The following ST6GALNAC3 variants were observed in gnomAD, a reference collection of about 807,000 sequenced individuals.
ST6GALNAC3 encodes alpha-N-acetylgalactosaminide alpha-2,6-sialyltransferase 3.
In ST6GALNAC3, 25 loss-of-function variants were observed where a neutral mutation model predicts 32.7. The ratio of observed to expected loss-of-function variants is 0.76; its 90% CI spans 0.56 to 1.07. The LOEUF (loss-of-function observed/expected upper bound fraction) is 1.07. ST6GALNAC3 is among the 50% of genes least tolerant of loss of function. The probability of loss-of-function intolerance (pLI) is 0.00; values close to 1 mark genes in which losing one functional copy is unlikely to be tolerated. For synonymous variants in ST6GALNAC3, 129 were observed against 133.1 expected (o/e 0.97, Z 0.21); for missense variants, 355 against 382.4 (o/e 0.93, Z 0.60).
At chr1:76,322,760 C>G (rs371991812) in intron 2 of ST6GALNAC3, among the ~76,000 whole-genome samples, 172 of 151,994 alleles carry the variant, frequency 1.1e-3, no homozygotes, top group African/African-American at 4.0e-3. Context: ...CCCACCCCCC[C>G]ACAAGTTTGG....
At chr1:76,354,036 A>G (rs1649232786) in intron 2 of ST6GALNAC3, 1 of 157,882 alleles carries the variant, frequency 6.3e-6, no homozygotes, top group Non-Finnish European at 1.4e-5. Flanking sequence ...CCAGGATAGC[A>G]TCTCCCACCA....
intron 2 of ST6GALNAC3, among the ~76,000 whole-genome samples, chr1:76,407,611 T>G (rs1018606016): frequency 6.6e-6 from 1 of 151,834 alleles, no homozygotes; most frequent in Admixed American, 6.6e-5. Flanking sequence ...ATATTTTGAA[T>G]GTACAAGATG....
At chr1:76,406,004 T>C (rs1653804832) in intron 2 of ST6GALNAC3, among the ~76,000 whole-genome samples, 1 of 152,102 alleles carries the variant, frequency 6.6e-6, no homozygotes, top group Non-Finnish European at 1.5e-5. Context: ...TCAATTCCTC[T>C]GTACTTACAT....
At chr1:76,084,774 TTG>T (rs1646943849) in intron 1 of ST6GALNAC3, among the ~76,000 whole-genome samples, 1 of 92,292 alleles carries the variant, frequency 1.1e-5, no homozygotes, top group Non-Finnish European at 2.3e-5. Flanking sequence ...CTCCAACTCG[TTG>T]TCCTAGACCA....
rs71071991 is a variant in ST6GALNAC3, at chr1:76,183,851, A to AATATATATATATATATATATAT, written c.18+108968_18+108989dup. On this transcript the variant is annotated intron_variant, in intron 1 of 4. Transcript: ENST00000328299. ...GTTGTTGACCAAAATGTAGTGCATG[A>AATATATATATATATATATATAT]ATATATATATATATATATATATGTA... Among the ~76,000 whole-genome samples the AATATATATATATATATATATAT allele has an allele frequency of 5.8e-3, 686 of 117,436 alleles. 18 individuals are homozygous for AATATATATATATATATATATAT. The highest frequency in any genetic ancestry group is 0.013 in the African/African-American group (376 of 28,374). 77.0% of individuals were successfully genotyped at this position (117,436 alleles called of 152,430 possible). A position where few individuals can be genotyped will look rare whatever the true frequency, so the allele number is the denominator to read the frequency against.
At chr1:76,558,002 C>G (rs12565877) in intron 3 of ST6GALNAC3, among the ~76,000 whole-genome samples, 1 of 152,002 alleles carries the variant, frequency 6.6e-6, no homozygotes, top group Non-Finnish European at 1.5e-5. Context: ...AAATGACAAA[C>G]TATGATAAAT....
chr1:76,122,292 C>G (rs903944693), intron 1 of ST6GALNAC3, among the ~76,000 whole-genome samples: 36 of 152,160 alleles, frequency 2.4e-4, no homozygotes, highest in Non-Finnish European at 4.6e-4. Flanking sequence ...GCTCTTCTCT[C>G]CCCCATGCGT....
intron 1 of ST6GALNAC3, among the ~76,000 whole-genome samples, chr1:76,271,951 G>T (rs1014439124): frequency 2.6e-5 from 4 of 152,034 alleles, no homozygotes; most frequent in African/African-American, 9.7e-5. Flanking sequence ...CCCCTTCCGA[G>T]GCCAAGTAGG....
chr1:76,329,867 G>C (rs1482224554), intron 2 of ST6GALNAC3, among the ~76,000 whole-genome samples: 2 of 151,858 alleles, frequency 1.3e-5, no homozygotes, highest in Non-Finnish European at 2.9e-5. Flanking sequence ...GGAGTACAGT[G>C]GTGCAATCTC....
chr1:76,401,045 T>A (rs771947187), intron 2 of ST6GALNAC3, among the ~76,000 whole-genome samples: 10 of 152,198 alleles, frequency 6.6e-5, no homozygotes, highest in Non-Finnish European at 1.3e-4. Flanking sequence ...TACATGTGGA[T>A]TTATTTTACT....
intron 2 of ST6GALNAC3, among the ~76,000 whole-genome samples, chr1:76,402,752 C>T (rs1653525449): frequency 6.6e-6 from 1 of 152,062 alleles, no homozygotes; most frequent in African/African-American, 2.4e-5. Flanking sequence ...CACTTGCTTC[C>T]TTTTAGAAAT....
chr1:76,255,047 C>G lies in ST6GALNAC3; in HGVS notation c.19-58758C>G, dbSNP rs113645879. On this transcript the variant is annotated intron_variant, in intron 1 of 4. Transcript: ENST00000328299. ...CTCTCTCTCTTTTTTTTTTTTTAAA[C>G]TGGCCCATTTGTAAGTTCAGTTTGA... 2.5e-3 allele frequency among the ~76,000 whole-genome samples: 357 copies of G among 144,636 alleles called. 2 individuals are homozygous for G. The highest frequency in any genetic ancestry group is 8.5e-3 in the African/African-American group (332 of 38,842). 94.9% of individuals were successfully genotyped at this position (144,636 alleles called of 152,430 possible). A position where few individuals can be genotyped will look rare whatever the true frequency, so the allele number is the denominator to read the frequency against.
chr1:76,186,888 G>C (rs1031493684), intron 1 of ST6GALNAC3, among the ~76,000 whole-genome samples: 1 of 152,140 alleles, frequency 6.6e-6, no homozygotes. Context: ...CCCTTGTCCA[G>C]TGTTAAGCAG....
At chr1:76,204,639 A>G (rs767535408) in intron 1 of ST6GALNAC3, among the ~76,000 whole-genome samples, 8 of 152,178 alleles carry the variant, frequency 5.3e-5, no homozygotes, top group Non-Finnish European at 8.8e-5. Flanking sequence ...TTCCTATTGC[A>G]CGACGTGTAT....
intron 1 of ST6GALNAC3, among the ~76,000 whole-genome samples, chr1:76,253,769 G>A (rs1191199223): frequency 1.3e-5 from 2 of 152,118 alleles, no homozygotes; most frequent in Admixed American, 6.6e-5. Flanking sequence ...TAGCACAGGT[G>A]GCCCTCTTTG....
intron 2 of ST6GALNAC3, among the ~76,000 whole-genome samples, chr1:76,315,096 C>G (rs1446379982): frequency 6.6e-6 from 1 of 151,926 alleles, no homozygotes; most frequent in African/African-American, 2.4e-5. Context: ...AAAAAAGCAC[C>G]ATTAATAACA....
intron 3 of ST6GALNAC3, among the ~76,000 whole-genome samples, chr1:76,618,179 C>A (rs485141): frequency 0.15 from 22,267 of 152,146 alleles, 1,699 homozygotes; most frequent in South Asian, 0.19. Context: ...ATTAGAGAAA[C>A]TGTAGCCTGG....
rs770958573 is a variant in ST6GALNAC3 at position 76,628,666 on chromosome 1, A to G, written c.778A>G (p.Arg260Gly). 1 of 1,611,930 alleles carries G rather than the reference A, an allele frequency of 6.2e-7. No homozygotes were observed. Among genetic ancestry groups the G allele is most frequent in the Non-Finnish European group, 8.5e-7 (1 of 1,178,954 alleles). Reference sequence around the variant, plus strand: ...CCCCTACCATTATTATGAACAAGGAAGAGATGAGTGTGATGAATATTTTCT... The same window carrying G: ...CCCCTACCATTATTATGAACAAGGAGGAGATGAGTGTGATGAATATTTTCT... ...KVPYHYYEQGRDECDEYFLHE... is the reference protein window; with the variant it reads ...KVPYHYYEQGGDECDEYFLHE... The change falls in exon 5 of 5, where the codon AGA becomes GGA. Residue 260 changes from arginine (R) to glycine (G), a missense_variant. Arg to Gly is a moderately radical substitution (Grantham distance 125). Coordinates refer to ENST00000328299, the MANE Select transcript of ST6GALNAC3 (RefSeq NM_152996.4).
chr1:76,394,578 G>A (rs1275762185), intron 2 of ST6GALNAC3, among the ~76,000 whole-genome samples: 1 of 152,038 alleles, frequency 6.6e-6, no homozygotes, highest in Non-Finnish European at 1.5e-5. Flanking sequence ...TTTAGTCCCA[G>A]GTTTTGAGGT....
Sources: gnomAD v4.1 joint callset for allele counts (sites outside exome capture counted in the v4.1 genomes callset) on GRCh38, gnomAD v4.1.1 for gene constraint, MANE v1.5 for transcripts, NCBI Gene and HGNC (gene_info 2026-07-23, HGNC 2026-07-21) for gene names.